The following DSCAML1 variants were observed in gnomAD, a reference collection of about 807,000 sequenced individuals.
The protein encoded by DSCAML1 is DS cell adhesion molecule like 1, also known as cell adhesion molecule DSCAML1.
DSCAML1 carries 38 observed loss-of-function variants against 200.5 expected under a neutral mutation model. The ratio of observed to expected loss-of-function variants is 0.19; its 90% CI spans 0.15 to 0.25. DSCAML1 has a LOEUF of 0.25. Ranked by LOEUF, DSCAML1 falls within the 10% of genes least tolerant of loss-of-function variation. The pLI, the probability that DSCAML1 is intolerant of heterozygous loss-of-function variation, is 1.00. For synonymous variants in DSCAML1, 1,215 were observed against 1,165.0 expected, an observed-to-expected ratio of 1.04 and a Z score of -0.87; for missense variants, 2,223 against 2,858.8, an observed-to-expected ratio of 0.78 and a Z score of 5.07.
At chr11:117,676,998 C>A (rs2053227664) in intron 3 of DSCAML1, among the ~76,000 whole-genome samples, 1 of 151,908 alleles carries the variant, frequency 6.6e-6, no homozygotes, top group Non-Finnish European at 1.5e-5. Context: ...GCCCGGAGAC[C>A]CCTGATCAGT....
In DSCAML1 at chr11:117,454,412, T is replaced by C. The variant is rs144981180; in HGVS notation, c.3569-3724A>G. Among the ~76,000 whole-genome samples the C allele has an allele frequency of 4.4e-3, 667 of 152,372 alleles. 6 individuals are homozygous for C. Among genetic ancestry groups the C allele is most frequent in the African/African-American group, 0.014 (573 of 41,592 alleles). On this transcript the variant is annotated intron_variant, in intron 19 of 32. Coordinates refer to ENST00000651296, the MANE Select transcript of DSCAML1 (RefSeq NM_020693.4). ...TGCCTATATTCCAATTCACAAGTTA[T>C]ATCTTCAACTGTGTTTAATGTGTTA...
chr11:117,623,467 C>T (rs907089410), intron 3 of DSCAML1, among the ~76,000 whole-genome samples: 1 of 152,134 alleles, frequency 6.6e-6, no homozygotes, highest in Non-Finnish European at 1.5e-5. Flanking sequence ...CCATCCGCCT[C>T]GGCTGCCCAA....
intron 4 of DSCAML1, 80 bp downstream of exon 4, chr11:117,532,296 T>C: frequency 1.4e-6 from 2 of 1,458,056 alleles, no homozygotes; most frequent in Non-Finnish European, 1.9e-6. Flanking sequence ...CCATCTGCGG[T>C]GGGGCGTGCC....
At chr11:117,692,370 T>C (rs1429836740) in intron 3 of DSCAML1, among the ~76,000 whole-genome samples, 2 of 151,946 alleles carry the variant, frequency 1.3e-5, no homozygotes, top group African/African-American at 2.4e-5. Flanking sequence ...TCTGAGTGGG[T>C]TTTGTCTGAG....
chr11:117,430,623 CATG>C, intron 32 of DSCAML1, 96 bp downstream of exon 32: 3 of 1,399,090 alleles, frequency 2.1e-6, no homozygotes, highest in Admixed American at 2.3e-5. Flanking sequence ...GCTGGGCTGG[CATG>C]ATCCTGGTGC....
At chr11:117,802,266 G>A (rs936832363) in intron 1 of DSCAML1, among the ~76,000 whole-genome samples, 2 of 152,148 alleles carry the variant, frequency 1.3e-5, no homozygotes, top group African/African-American at 4.8e-5. Context: ...GGCACCCCCA[G>A]TTTTCCCTGA....
chr11:117,476,465 T>C (rs1368052363), intron 14 of DSCAML1, among the ~76,000 whole-genome samples: 1 of 152,042 alleles, frequency 6.6e-6, no homozygotes, highest in Non-Finnish European at 1.5e-5. Context: ...TCAACACCAG[T>C]CCCTCTGACA....
At chr11:117,774,432 C>G (rs1167598807) in intron 3 of DSCAML1, among the ~76,000 whole-genome samples, 1 of 152,182 alleles carries the variant, frequency 6.6e-6, no homozygotes, top group Non-Finnish European at 1.5e-5. Context: ...GGGCAGTGTT[C>G]TAGACATTGT....
intron 3 of DSCAML1, among the ~76,000 whole-genome samples, chr11:117,655,362 T>C (rs2052713509): frequency 6.6e-6 from 1 of 152,212 alleles, no homozygotes; most frequent in Non-Finnish European, 1.5e-5. Context: ...ACTTCCACCT[T>C]CCTTTGCATC....
chr11:117,761,596 C>T (rs1427776423), intron 3 of DSCAML1, among the ~76,000 whole-genome samples: 1 of 152,182 alleles, frequency 6.6e-6, no homozygotes. Flanking sequence ...GATGGCTGGG[C>T]ACGGTGGCTC....
chr11:117,521,027 C>T (rs1186748404), intron 6 of DSCAML1, 103 bp downstream of exon 6: 36 of 1,490,474 alleles, frequency 2.4e-5, no homozygotes, highest in Middle Eastern at 2.5e-4. Context: ...GTGTAGTGAG[C>T]GCTGGTTTAA....
At chr11:117,567,481 C>T (rs1591274417) in intron 3 of DSCAML1, among the ~76,000 whole-genome samples, 1 of 151,980 alleles carries the variant, frequency 6.6e-6, no homozygotes, top group South Asian at 2.1e-4. Flanking sequence ...GGACACTAGC[C>T]CTTTGTCAGA....
intron 11 of DSCAML1, among the ~76,000 whole-genome samples, chr11:117,484,799 C>T (rs1052073169): frequency 6.6e-6 from 1 of 152,060 alleles, no homozygotes; most frequent in African/African-American, 2.4e-5. Context: ...ACTGGGACCC[C>T]CATGGGTCGG....
Position 117,780,244 on chromosome 11 carries a change from G to GAA in DSCAML1, c.364+247_364+248dup, listed in dbSNP as rs1386783428. Among the ~76,000 whole-genome samples, 51 of 69,602 alleles carry GAA rather than the reference G, an allele frequency of 7.3e-4. 1 individual carries two copies. Among genetic ancestry groups the GAA allele is most frequent in the African/African-American group, 2.0e-3 (40 of 20,118 alleles). 45.7% of individuals were successfully genotyped at this position (69,602 alleles called of 152,430 possible). ...GAAAGAAAGAAAGGAAAGAAAGAAA[G>GAA]AAAGAAAGAAAGAAAGAAAGAAAGA... On this transcript the variant is annotated intron_variant, in intron 2 of 32. Transcript: ENST00000651296. This position sits in a 1 kb window ranked among gnomAD's most constrained non-coding sequence, Gnocchi z 4.8.
At position 117,566,374 on chromosome 11, in the gene DSCAML1, G is replaced by A. The variant is rs531699157; in HGVS notation, c.512-33852C>T. Among the ~76,000 whole-genome samples the A allele has an allele frequency of 8.0e-5, 11 of 136,924 alleles. 2 individuals carry two copies. The highest frequency in any genetic ancestry group is 3.0e-4 in the African/African-American group (11 of 36,512). 89.8% of individuals were successfully genotyped at this position (136,924 alleles called of 152,430 possible). ...TCTCTCTCTTTTTTTTTTTTCTAGGGCCTTGCTCTGTTACCCAGGCTGGAG... is the reference window on the plus strand; with the variant it reads ...TCTCTCTCTTTTTTTTTTTTCTAGGACCTTGCTCTGTTACCCAGGCTGGAG... On this transcript the variant is annotated intron_variant, in intron 3 of 32. Coordinates refer to ENST00000651296, the MANE Select transcript of DSCAML1 (RefSeq NM_020693.4).
chr11:117,528,079 T>C (rs866215717), intron 4 of DSCAML1, among the ~76,000 whole-genome samples: 6 of 152,208 alleles, frequency 3.9e-5, no homozygotes, highest in Admixed American at 2.0e-4. Flanking sequence ...GGAAGCGCTT[T>C]AGACGCTCAA....
intron 3 of DSCAML1, among the ~76,000 whole-genome samples, chr11:117,556,221 TG>T (rs1345372827): frequency 6.6e-6 from 1 of 151,806 alleles, no homozygotes; most frequent in Non-Finnish European, 1.5e-5. Context: ...TGCAGGGAGA[TG>T]GGGAGAAGGG....
At position 117,580,660 on chromosome 11, in the gene DSCAML1, C is replaced by T. The variant is rs757379586; in HGVS notation, c.512-48138G>A. ...ACCAGGGTTCCCTGCTTAGGATTTCCTTCTCTCTCTCTCTTCTTTGAAGCC... is the reference window on the plus strand; with the variant it reads ...ACCAGGGTTCCCTGCTTAGGATTTCTTTCTCTCTCTCTCTTCTTTGAAGCC... On this transcript the variant is annotated intron_variant, in intron 3 of 32. Coordinates refer to ENST00000651296, the MANE Select transcript of DSCAML1 (RefSeq NM_020693.4). Among the ~76,000 whole-genome samples the T allele has an allele frequency of 8.9e-4, 136 of 152,130 alleles. 1 individual carries two copies. The highest frequency in any genetic ancestry group is 3.2e-4 in the Non-Finnish European group (22 of 68,024).
rs768520860 is a variant in DSCAML1 at position 117,505,034 on chromosome 11, C to T, written c.2072G>A (p.Arg691Gln). ...ERQLIVRVPP[R>Q]FVVQPNNQDG... Reference sequence around the variant, plus strand: ...CTGGTTGTTGGGTTGCACCACAAATCGAGGGGGCACTGCAGAAAGAGGGAA... The same window carrying T: ...CTGGTTGTTGGGTTGCACCACAAATTGAGGGGGCACTGCAGAAAGAGGGAA... The change falls in exon 10 of 33, where the codon CGA becomes CAA. Residue 691 changes from arginine (R) to glutamine (Q), a missense_variant. Coordinates refer to ENST00000651296, the MANE Select transcript of DSCAML1 (RefSeq NM_020693.4). The surrounding 1 kb of genome is among the most constrained non-coding windows in gnomAD (Gnocchi z 6.7). 21 of 1,611,388 alleles carry T rather than the reference C, an allele frequency of 1.3e-5. No individual in the cohort carries two copies. Among genetic ancestry groups the T allele is most frequent in the African/African-American group, 5.3e-5 (4 of 74,870 alleles).
Sources: gnomAD v4.1 joint callset for allele counts (sites outside exome capture counted in the v4.1 genomes callset) on GRCh38, gnomAD v4.1.1 for gene constraint, Gnocchi (gnomAD v3.1) non-coding constraint, MANE v1.5 for transcripts, NCBI Gene and HGNC (gene_info 2026-07-23, HGNC 2026-07-21) for gene names.